Variants in ZSCAN5A observed in about 807,000 individuals in gnomAD.
ZSCAN5A encodes zinc finger and SCAN domain containing 5A.
In ZSCAN5A, 12 loss-of-function variants were observed where a neutral mutation model predicts 23.7. That is an observed-to-expected ratio of 0.51 (90% CI 0.32 to 0.82). The LOEUF (loss-of-function observed/expected upper bound fraction) is 0.82. Among genes scored for constraint, ZSCAN5A ranks in the 40% least tolerant of loss-of-function variants. ZSCAN5A has a pLI of 0.03. For synonymous variants in ZSCAN5A, 257 were observed against 239.9 expected (o/e 1.07, Z -0.66); for missense variants, 597 against 617.9 (o/e 0.97, Z 0.36).
chr19:56,341,712 A>AAAC (rs2041594123), intron 2 of ZSCAN5A, among the ~76,000 whole-genome samples: 1 of 150,030 alleles, frequency 6.7e-6, no homozygotes, highest in Admixed American at 6.6e-5. Flanking sequence ...CAAAAAAAAA[A>AAAC]AAAAAAAAAA....
chr19:56,228,217 C>G lies in ZSCAN5A; in HGVS notation c.-127-3044G>C, dbSNP rs73619492. On this transcript the variant is annotated intron_variant, in intron 2 of 5. Coordinates refer to ENST00000683990, the MANE Select transcript of ZSCAN5A (RefSeq NM_001322064.3). The stretch of plus-strand genomic sequence containing the variant: ...GAAACCAACCCCCGACATGCCAGCT[C>G]CTAAACCCGACAGACATCCCCGCTG... 3.8e-4 allele frequency: 372 copies of G among 985,216 alleles called. 1 individual carries two copies. The African/African-American group carries it at 6.3e-3, about 17-fold the overall frequency. The allele number at this position is 985,216 out of a possible 1,614,324, so 61.0% of individuals were successfully genotyped here. A position where few individuals can be genotyped will look rare whatever the true frequency, so the allele number is the denominator to read the frequency against.
At chr19:56,249,714 T>G (rs1419512503) in intron 2 of ZSCAN5A, among the ~76,000 whole-genome samples, 1 of 152,210 alleles carries the variant, frequency 6.6e-6, no homozygotes, top group Non-Finnish European at 1.5e-5. Context: ...TGCTGTGAAC[T>G]CAGGTGCCTA....
rs947987119 is a variant in ZSCAN5A at position 56,352,622 on chromosome 19, T to C, written c.-358+10613A>G. Among the ~76,000 whole-genome samples the C allele has an allele frequency of 4.6e-5, 7 of 152,204 alleles. No individual in the cohort carries two copies. The highest frequency in any genetic ancestry group is 7.2e-5 in the African/African-American group (3 of 41,456). The stretch of plus-strand genomic sequence containing the variant: ...ATAGTTGGTTTTTTGTAGACAATTA[T>C]CAAAGTAAGGCGGTCAGTGGGTGGG... On this transcript the variant is annotated intron_variant, in intron 2 of 6. Transcript: ENST00000587340. The surrounding 1 kb of genome is among the most constrained non-coding windows in gnomAD (Gnocchi z 4.2).
At chr19:56,342,604 C>G (rs1009728106) in intron 2 of ZSCAN5A, 12 of 434,296 alleles carry the variant, frequency 2.8e-5, no homozygotes, top group African/African-American at 2.4e-4. Context: ...CTCTGAACAT[C>G]CTGCACTCTT....
intron 2 of ZSCAN5A, chr19:56,246,349 A>C (rs371822230): frequency 1.9e-5 from 9 of 481,048 alleles, no homozygotes; most frequent in African/African-American, 8.0e-5. Flanking sequence ...GACTACTGTC[A>C]TGAAAAGTGC....
intron 2 of ZSCAN5A, chr19:56,286,301 T>C: frequency 6.6e-6 from 1 of 152,178 alleles, no homozygotes; most frequent in Non-Finnish European, 1.5e-5. Flanking sequence ...ATTACAGGTG[T>C]GAGCCCCGCA....
chr19:56,233,362 A>G, intron 2 of ZSCAN5A, among the ~76,000 whole-genome samples: 1 of 152,080 alleles, frequency 6.6e-6, no homozygotes, highest in Non-Finnish European at 1.5e-5. Context: ...TTTGTCTTTG[A>G]AATGGTCCCC....
chr19:56,320,658 A>G, intron 2 of ZSCAN5A: 1 of 766,202 alleles, frequency 1.3e-6, no homozygotes, highest in Non-Finnish European at 2.4e-6. Flanking sequence ...GTACAACGTG[A>G]AATCATATCC....
rs756785643 is a variant in ZSCAN5A, at chr19:56,221,866, T to C, written c.1200A>G (p.Gln400=). 74 of 1,614,036 alleles carry C rather than the reference T, an allele frequency of 4.6e-5. No individual in the cohort carries two copies. The highest frequency in any genetic ancestry group is 1.6e-4 in the Middle Eastern group (1 of 6,084). ...CGCCAGTGTGGGTTCGCTGGTGAAATTGGAGGCTAATAAGCTGCATGAAGC... is the reference window on the plus strand; with the variant it reads ...CGCCAGTGTGGGTTCGCTGGTGAAACTGGAGGCTAATAAGCTGCATGAAGC... ...GKRFMQLISL[Q]FHQRTHTGER... is the part of the protein sequence containing the mutation. Residue 400 remains glutamine, a synonymous_variant, in exon 6 of 6, where the codon CAA becomes CAG. Transcript: ENST00000683990.
chr19:56,236,556 G>A (rs376358455), intron 2 of ZSCAN5A, among the ~76,000 whole-genome samples: 3 of 28,532 alleles, frequency 1.1e-4, no homozygotes, highest in Non-Finnish European at 1.5e-4. Context: ...CTCCACTCCA[G>A]CCTCTGATGG....
At chr19:56,278,095 T>C (rs759787131) in intron 2 of ZSCAN5A, among the ~76,000 whole-genome samples, 5 of 129,990 alleles carry the variant, frequency 3.8e-5, no homozygotes, top group Non-Finnish European at 5.2e-5. Context: ...TCTGTCACAA[T>C]GTGCTATTTT....
At chr19:56,361,015 A>C (rs78531365) in intron 2 of ZSCAN5A, among the ~76,000 whole-genome samples, 16,249 of 152,212 alleles carry the variant, frequency 0.11, 1,263 homozygotes, top group East Asian at 0.35. Flanking sequence ...CCATTAAAAA[A>C]TGGGCAAAGG....
At chr19:56,319,126 C>A (rs1481062829), upstream of ZSCAN5A, among the ~76,000 whole-genome samples, 2 of 152,016 alleles carry the variant, frequency 1.3e-5, no homozygotes, top group African/African-American at 4.8e-5. Flanking sequence ...GTTCTTGGAA[C>A]GAATTTCAAA....
At chr19:56,297,110 A>T (rs548540933) in intron 2 of ZSCAN5A, among the ~76,000 whole-genome samples, 1 of 152,132 alleles carries the variant, frequency 6.6e-6, no homozygotes, top group African/African-American at 2.4e-5. Context: ...GGAACATGAC[A>T]TGTGAGCAAA....
intron 2 of ZSCAN5A, among the ~76,000 whole-genome samples, chr19:56,242,894 T>C (rs2035541632): frequency 1.3e-5 from 2 of 152,190 alleles, no homozygotes; most frequent in African/African-American, 4.8e-5. Context: ...TTCTCCTGCC[T>C]CAGACTGCCA....
chr19:56,323,843 CT>C (rs200335721), intron 2 of ZSCAN5A, among the ~76,000 whole-genome samples: 17 of 148,858 alleles, frequency 1.1e-4, no homozygotes, highest in Admixed American at 2.7e-4. Context: ...GCCGGCAGAA[CT>C]TTTTTTTTTA....
At chr19:56,340,948 G>C (rs2041587964) in intron 2 of ZSCAN5A, 1 of 152,184 alleles carries the variant, frequency 6.6e-6, no homozygotes, top group African/African-American at 2.4e-5. Flanking sequence ...AACTCCAACA[G>C]ATTAATTCAT....
intron 2 of ZSCAN5A, among the ~76,000 whole-genome samples, chr19:56,332,035 G>A (rs1415669467): frequency 2.6e-5 from 4 of 151,932 alleles, no homozygotes; most frequent in African/African-American, 9.7e-5. Flanking sequence ...GTGGTCCAAG[G>A]GTATGGCTGC....
chr19:56,363,107 T>A (rs369994138), intron 2 of ZSCAN5A: 3 of 152,248 alleles, frequency 2.0e-5, no homozygotes. Context: ...TTGCTGTTTA[T>A]ATATTTCAGT....
Sources: allele counts gnomAD v4.1 joint callset (sites outside exome capture counted in the v4.1 genomes callset), GRCh38; gene constraint gnomAD v4.1.1; non-coding constraint Gnocchi (gnomAD v3.1); transcripts MANE v1.5; gene names NCBI Gene and HGNC (gene_info 2026-07-23, HGNC 2026-07-21).